Variants in LONP1 observed in about 807,000 individuals in gnomAD.
The protein encoded by LONP1 is lon peptidase 1, mitochondrial, also known as lon protease homolog, mitochondrial.
In LONP1, 31 loss-of-function variants were observed where a neutral mutation model predicts 98.5. That is an observed-to-expected ratio of 0.31 (90% CI 0.24 to 0.42). LONP1 has a LOEUF of 0.42. Ranked by LOEUF, LONP1 falls within the 20% of genes least tolerant of loss-of-function variation. LONP1 has a pLI of 1.00. For synonymous variants in LONP1, 781 were observed against 594.7 expected (o/e 1.31, Z -4.56); for missense variants, 1,336 against 1,350.6 (o/e 0.99, Z 0.17).
At chr19:5,716,039 G>A (rs2055312923) in intron 1 of LONP1, among the ~76,000 whole-genome samples, 1 of 151,416 alleles carries the variant, frequency 6.6e-6, no homozygotes, top group Non-Finnish European at 1.5e-5. Context: ...TTTCTTTCAA[G>A]CCTTTGTTAA....
intron 8 of LONP1, among the ~76,000 whole-genome samples, chr19:5,705,540 C>G (rs1023910751): frequency 6.6e-6 from 1 of 151,946 alleles, no homozygotes; most frequent in Non-Finnish European, 1.5e-5. Flanking sequence ...TGCCAATTCA[C>G]AGGCCCTGGC....
At chr19:5,703,201 A>AT (rs1568319850) in intron 8 of LONP1, among the ~76,000 whole-genome samples, 1 of 151,042 alleles carries the variant, frequency 6.6e-6, no homozygotes, top group East Asian at 1.9e-4. Context: ...AAAAAAAAAA[A>AT]TTTACAAACT....
At chr19:5,695,986 C>T in intron 13 of LONP1, 68 bp downstream of exon 13, 1 of 1,424,782 alleles carries the variant, frequency 7.0e-7, no homozygotes, top group Non-Finnish European at 9.7e-7. Context: ...GAGGCACGGC[C>T]TCTGCAGGCT....
At chr19:5,710,963 T>C (rs1398930681) in intron 4 of LONP1, among the ~76,000 whole-genome samples, 1 of 151,742 alleles carries the variant, frequency 6.6e-6, no homozygotes, top group South Asian at 2.1e-4. Flanking sequence ...GAGGTGGAAA[T>C]TGCAGTGAGC....
rs187004590 is a variant in LONP1, at chr19:5,700,977, G to C, written c.1368-50C>G. 225 of 1,608,410 alleles carry C rather than the reference G, an allele frequency of 1.4e-4. No individual in the cohort carries two copies. In the African/African-American group the frequency reaches 2.3e-3, roughly 17 times the overall value. ...GCTGAGTGGAGCTCACGAGCTGCCT[G>C]TCTCTCTGCTGGACTTGGCTGGGTG... is the stretch of plus-strand genomic sequence containing the variant. On this transcript the variant is annotated intron_variant, in intron 8 of 17. Coordinates refer to ENST00000360614, the MANE Select transcript of LONP1 (RefSeq NM_004793.4).
chr19:5,708,757 TAATCCAA>T, intron 4 of LONP1: 1 of 201,506 alleles, frequency 5.0e-6, no homozygotes, highest in Admixed American at 5.4e-5. Context: ...CTCACGCCTG[TAATCCAA>T]GCACTTTGGG....
intron 4 of LONP1, among the ~76,000 whole-genome samples, chr19:5,711,375 G>C (rs2055234423): frequency 6.6e-6 from 1 of 152,242 alleles, no homozygotes; most frequent in Non-Finnish European, 1.5e-5. Context: ...TGGGGGATCA[G>C]GGTGGCCAAC....
At chr19:5,706,015 C>CA in intron 7 of LONP1, 23 bp from the exon 8 acceptor site, 1 of 1,576,314 alleles carries the variant, frequency 6.3e-7, no homozygotes, top group Non-Finnish European at 8.7e-7. Flanking sequence ...GTGCTGCCAT[C>CA]AGGCCCTGGC....
chr19:5,713,301 A>G, intron 2 of LONP1, 48 bp from the exon 3 acceptor site: 1 of 1,541,904 alleles, frequency 6.5e-7, no homozygotes, highest in Non-Finnish European at 8.8e-7. Flanking sequence ...CTTTCATGCT[A>G]GGCAGGATGT....
chr19:5,693,765 G>A lies in LONP1; in HGVS notation c.2325C>T (p.Gly775=). ...VMGLAWTAMG[G]STLFVETSLR... is the part of the protein sequence containing the mutation. ...GGGATGTCTCCACAAACAGCGTGGA[G>A]CCTCCTGAAACAGGTGTGGAGCTGT... Residue 775 remains glycine (G), a synonymous_variant, in exon 16 of 18, where the codon GGC becomes GGT. Transcript: ENST00000360614. The A allele has an allele frequency of 1.2e-6, 2 of 1,613,290 alleles. No homozygotes were observed. Among genetic ancestry groups the A allele is most frequent in the Non-Finnish European group, 1.7e-6 (2 of 1,179,824 alleles).
chr19:5,716,196 AC>A (rs1165818803), intron 1 of LONP1, among the ~76,000 whole-genome samples: 1 of 145,830 alleles, frequency 6.9e-6, no homozygotes, highest in Non-Finnish European at 1.5e-5. Flanking sequence ...ACACAGTGAG[AC>A]CCCATCTCTA....
rs2054874777 is a variant in LONP1 at position 5,693,766 on chromosome 19, C to G, written c.2324G>C (p.Gly775Ala). The G allele has an allele frequency of 6.2e-7, 1 of 1,612,962 alleles. No individual in the cohort carries two copies. The highest frequency in any genetic ancestry group is 8.5e-7 in the Non-Finnish European group (1 of 1,179,582). Residue 775 changes from glycine to alanine, a missense_variant, in exon 16 of 18, where the codon GGC becomes GCC. Gly to Ala is a moderately conservative substitution (Grantham distance 60). Coordinates refer to ENST00000360614, the MANE Select transcript of LONP1 (RefSeq NM_004793.4). ...VMGLAWTAMGGSTLFVETSLR... is the reference protein window; with the variant it reads ...VMGLAWTAMGASTLFVETSLR... ...GGATGTCTCCACAAACAGCGTGGAG[C>G]CTCCTGAAACAGGTGTGGAGCTGTG...
chr19:5,708,425 C>A (rs765725071), intron 4 of LONP1, 22 bp from the exon 5 acceptor site: 1 of 1,151,252 alleles, frequency 8.7e-7, no homozygotes, highest in Non-Finnish European at 1.2e-6. Flanking sequence ...GGGGCAGGGT[C>A]GCTGGGGCCC....
chr19:5,694,605 G>A (rs570250735), intron 14 of LONP1, 53 bp from the exon 15 acceptor site: 1 of 1,545,890 alleles, frequency 6.5e-7, no homozygotes, highest in African/African-American at 1.3e-5. Flanking sequence ...GACAGGTGCG[G>A]GGTGGTGGGG....
chr19:5,697,813 C>T (rs1442809957), intron 10 of LONP1, among the ~76,000 whole-genome samples: 4 of 152,050 alleles, frequency 2.6e-5, no homozygotes, highest in South Asian at 2.1e-4. Flanking sequence ...CCCGCAGCCC[C>T]GCTACCTGGT....
In LONP1 at chr19:5,705,903, G is replaced by A. The variant is rs191905167; in HGVS notation, c.1236C>T (p.Asp412=). The stretch of plus-strand genomic sequence containing the variant: ...ACTTCTCCTCGATGGCATCCTTGTC[G>A]TCCTTCTCCAGGCCCAGCTCCTTCT... ...IIKKELGLEK[D]DKDAIEEKFR... is the part of the protein sequence containing the mutation. The change falls in exon 8 of 18, where the codon GAC becomes GAT. Residue 412 remains aspartate, a synonymous_variant. Transcript: ENST00000360614. The A allele has an allele frequency of 4.6e-5, 75 of 1,614,074 alleles. No homozygotes were observed. Among genetic ancestry groups the A allele is most frequent in the East Asian group, 1.1e-4 (5 of 44,878 alleles).
At chr19:5,714,395 A>G (rs1370663700) in intron 1 of LONP1, 124 bp from the exon 2 acceptor site, 12 of 654,870 alleles carry the variant, frequency 1.8e-5, no homozygotes, top group Middle Eastern at 3.1e-4. Context: ...CTCCACCCCC[A>G]CTGAGTTCAA....
At position 5,692,217 on chromosome 19, in the gene LONP1, A is replaced by G. The variant is rs764248166; in HGVS notation, c.2704-9T>C. 1 of 1,607,488 alleles carries G rather than the reference A, an allele frequency of 6.2e-7. No homozygotes were observed. On this transcript the variant is annotated splice_polypyrimidine_tract_variant and intron_variant, in intron 17 of 17. Coordinates refer to ENST00000360614, the MANE Select transcript of LONP1 (RefSeq NM_004793.4). The stretch of plus-strand genomic sequence containing the variant: ...ACCCCTGCGCGCTTGGCCTGGGGGC[A>G]GAGTCAGGGTCAGCCCTGCCTGGGC...
chr19:5,696,398 C>T (rs754706355), intron 11 of LONP1, 27 bp from the exon 12 acceptor site: 2 of 1,608,202 alleles, frequency 1.2e-6, no homozygotes, highest in Non-Finnish European at 1.7e-6. Context: ...CAGGTGGTGC[C>T]CCTCGCCGTG....
Sources: gnomAD v4.1 joint callset for allele counts (sites outside exome capture counted in the v4.1 genomes callset) on GRCh38, gnomAD v4.1.1 for gene constraint, MANE v1.5 for transcripts, NCBI Gene and HGNC (gene_info 2026-07-23, HGNC 2026-07-21) for gene names.